LMX1A: variants seen among roughly 807,000 people sequenced by gnomAD.
LMX1A encodes the protein LIM homeobox transcription factor 1 alpha, also known as LIM homeobox transcription factor 1-alpha.
In LMX1A, 15 loss-of-function variants were observed where a neutral mutation model predicts 49.1. The ratio of observed to expected loss-of-function variants is 0.31; its 90% CI spans 0.20 to 0.47. The LOEUF (loss-of-function observed/expected upper bound fraction) is 0.47, where lower values mean the gene tolerates loss of function less well. LMX1A is among the 20% of genes least tolerant of loss of function. The pLI is 1.00. For missense variants in LMX1A, 372 were observed against 475.8 expected (o/e 0.78, Z 2.03); for synonymous variants, 167 against 185.7 (o/e 0.90, Z 0.82).
intron 3 of LMX1A, among the ~76,000 whole-genome samples, chr1:165,347,917 T>C (rs1362313538): frequency 6.8e-6 from 1 of 146,996 alleles, no homozygotes; most frequent in Non-Finnish European, 1.5e-5. Context: ...AATGAAATAG[T>C]TGGAATTGTT....
intron 3 of LMX1A, among the ~76,000 whole-genome samples, chr1:165,352,604 G>A (rs189441346): frequency 4.6e-5 from 7 of 152,342 alleles, no homozygotes; most frequent in Admixed American, 4.6e-4. Flanking sequence ...GAAGCTGCGG[G>A]GTCAATACAG....
In LMX1A at chr1:165,340,911, A is replaced by G. The variant is rs544913334; in HGVS notation, c.263+12165T>C. ...ATGTTCAACTTATCCTACGTCAGGA[A>G]TATTTTCTAGGTCATGTTTGTCCTC... On this transcript the variant is annotated intron_variant, in intron 3 of 8. Transcript: ENST00000342310. 1.2e-4 allele frequency among the ~76,000 whole-genome samples: 18 copies of G among 152,272 alleles called. 1 individual carries two copies. Among genetic ancestry groups the G allele is most frequent in the Non-Finnish European group, 2.2e-4 (15 of 68,014 alleles).
intron 3 of LMX1A, among the ~76,000 whole-genome samples, chr1:165,292,424 T>C (rs987422082): frequency 2.0e-5 from 3 of 152,198 alleles, no homozygotes; most frequent in Admixed American, 6.5e-5. Flanking sequence ...GGAGTTGTTA[T>C]GTATCAAAAG....
Position 165,265,203 on chromosome 1 carries a change from C to CAAA in LMX1A, c.264-15566_264-15564dup, listed in dbSNP as rs528674072. ...TGGGCGACAGTGAGCGACTCTGTCT[C>CAAA]AAAAAAAAAAAAAAAGAAAAAATGG... On this transcript the variant is annotated intron_variant, in intron 3 of 8. Transcript: ENST00000342310. Among the ~76,000 whole-genome samples the CAAA allele has an allele frequency of 7.6e-3, 923 of 121,376 alleles. 12 individuals are homozygous for CAAA. The highest frequency in any genetic ancestry group is 0.026 in the African/African-American group (875 of 33,372). 79.6% of individuals were successfully genotyped at this position (121,376 alleles called of 152,430 possible).
rs180951403 is a variant in LMX1A, at chr1:165,205,858, T to G, written c.988+6A>C. 6 of 1,613,650 alleles carry G rather than the reference T, an allele frequency of 3.7e-6. No individual in the cohort carries two copies. The East Asian group carries it at 1.3e-4, about 36-fold the overall frequency. ...AGAGGGCCCGAGGGGCTTAAGTCCC[T>G]CTTACCATAAGGGTGCATGTGGTCT... On this transcript the variant is annotated splice_donor_region_variant and intron_variant, in intron 8 of 8. Coordinates refer to ENST00000342310, the MANE Select transcript of LMX1A (RefSeq NM_177398.4).
intron 3 of LMX1A, among the ~76,000 whole-genome samples, chr1:165,313,490 T>TTTG (rs1173726233): frequency 2.7e-5 from 4 of 149,876 alleles, no homozygotes; most frequent in East Asian, 1.9e-4. Context: ...TTTTTTTTTT[T>TTTG]TTGTTGTTGT....
At chr1:165,335,782 C>T (rs899106256) in intron 3 of LMX1A, among the ~76,000 whole-genome samples, 2 of 151,728 alleles carry the variant, frequency 1.3e-5, no homozygotes, top group Non-Finnish European at 2.9e-5. Flanking sequence ...AGCTCCAAAC[C>T]AAGTATTTCT....
intron 3 of LMX1A, among the ~76,000 whole-genome samples, chr1:165,268,891 T>A (rs775508394): frequency 6.6e-5 from 10 of 152,262 alleles, no homozygotes; most frequent in Non-Finnish European, 1.3e-4. Context: ...AAAGACCATA[T>A]GACAGGCAAC....
At chr1:165,311,241 G>A (rs1655068872) in intron 3 of LMX1A, among the ~76,000 whole-genome samples, 1 of 152,190 alleles carries the variant, frequency 6.6e-6, no homozygotes, top group South Asian at 2.1e-4. Flanking sequence ...CCAAAGGGCT[G>A]AAGTGATAAA....
In LMX1A at chr1:165,238,217, G is replaced by A. The variant is rs114601256; in HGVS notation, c.496+11191C>T. On this transcript the variant is annotated intron_variant, in intron 4 of 8. Transcript: ENST00000342310. The stretch of plus-strand genomic sequence containing the variant: ...ACAGGTCAGCTTGTAGAAGAAGCAC[G>A]TTAGAAGAAGTTTTGATATGTACCA... 5.3e-3 allele frequency among the ~76,000 whole-genome samples: 787 copies of A among 149,502 alleles called. 10 individuals carry two copies. Among genetic ancestry groups the A allele is most frequent in the African/African-American group, 0.018 (747 of 41,488 alleles).
At chr1:165,234,440 A>G (rs1652353510) in intron 4 of LMX1A, among the ~76,000 whole-genome samples, 1 of 152,188 alleles carries the variant, frequency 6.6e-6, no homozygotes, top group East Asian at 1.9e-4. Flanking sequence ...AGCACTTTAT[A>G]TCTCTACGAT....
chr1:165,312,400 A>ATT (rs763170129), intron 3 of LMX1A, among the ~76,000 whole-genome samples: 8 of 152,080 alleles, frequency 5.3e-5, no homozygotes, highest in Non-Finnish European at 1.0e-4. Flanking sequence ...TATCCAGATT[A>ATT]AAGACATCTG....
intron 2 of LMX1A, among the ~76,000 whole-genome samples, chr1:165,354,702 C>T (rs1011746253): frequency 1.3e-5 from 2 of 152,016 alleles, no homozygotes; most frequent in Non-Finnish European, 1.5e-5. Flanking sequence ...GTTTAAAGGA[C>T]AGAAGGAAAA....
Position 165,202,274 on chromosome 1 carries a change from T to G in LMX1A, c.*1606A>C, listed in dbSNP as rs1650876945. Reference sequence around the variant, plus strand: ...AACTCATTCTGGGTTCCCAGGAGACTTCCTAGCACAGAACAATACCATCCT... The same window carrying G: ...AACTCATTCTGGGTTCCCAGGAGACGTCCTAGCACAGAACAATACCATCCT... On this transcript the variant is annotated 3_prime_UTR_variant, in exon 9 of 9. Transcript: ENST00000342310. The G allele has an allele frequency of 6.6e-6, 1 of 152,666 alleles. No homozygotes were observed. The highest frequency in any genetic ancestry group is 1.9e-4 in the East Asian group (1 of 5,178). 9.5% of individuals were successfully genotyped at this position (152,666 alleles called of 1,614,324 possible). A position where few individuals can be genotyped will look rare whatever the true frequency, so the allele number is the denominator to read the frequency against.
chr1:165,278,988 T>C (rs931697638), intron 3 of LMX1A, among the ~76,000 whole-genome samples: 2 of 152,210 alleles, frequency 1.3e-5, no homozygotes, highest in Admixed American at 1.3e-4. Context: ...AGAGCTACTC[T>C]GCATCAAAGA....
intron 4 of LMX1A, chr1:165,216,276 T>A (rs1267251521): frequency 1.3e-5 from 2 of 151,990 alleles, no homozygotes; most frequent in Non-Finnish European, 2.9e-5. Context: ...CACAGGAGGA[T>A]AAAAGGTAGA....
Position 165,206,016 on chromosome 1 carries a change from C to A in LMX1A, c.836G>T (p.Gly279Val). The change falls in exon 8 of 9, where the codon GGG (glycine) becomes GTG (valine). Residue 279 changes from glycine (G) to valine (V), a missense_variant. Around this residue, in one of 3 missense-constraint regions of LMX1A, gnomAD observed 127 missense variants for 138.0 expected, o/e 0.92. Transcript: ENST00000342310. The part of the protein sequence containing the change: ...RLSSAQTNGG[G>V]SAGMEGIMNP... ...CATGATTCCTTCCATCCCAGCACTC[C>A]CACCACCGTTTGTCTGAGCTGTGGA... 1.9e-6 allele frequency: 3 copies of A among 1,572,420 alleles called. No individual in the cohort carries two copies. The highest frequency in any genetic ancestry group is 2.6e-6 in the Non-Finnish European group (3 of 1,160,066).
intron 3 of LMX1A, among the ~76,000 whole-genome samples, chr1:165,328,593 G>A (rs948878095): frequency 2.6e-5 from 4 of 152,226 alleles, no homozygotes; most frequent in East Asian, 3.9e-4. Flanking sequence ...ACAGCAGCAT[G>A]AGTGAGACTC....
intron 3 of LMX1A, among the ~76,000 whole-genome samples, chr1:165,271,925 C>T (rs914306788): frequency 6.6e-6 from 1 of 152,202 alleles, no homozygotes; most frequent in Non-Finnish European, 1.5e-5. Flanking sequence ...CATCTCAGTA[C>T]TTTTTCTCCA....
Sources: gnomAD v4.1 joint callset for allele counts (sites outside exome capture counted in the v4.1 genomes callset) on GRCh38, gnomAD v4.1.1 for gene constraint, gnomAD v4.1.1 regional missense constraint, MANE v1.5 for transcripts, NCBI Gene and HGNC (gene_info 2026-07-23, HGNC 2026-07-21) for gene names.